Variants in CLTRN observed in about 807,000 individuals in gnomAD.
CLTRN encodes collectrin, amino acid transport regulator.
In CLTRN, 12 loss-of-function variants were observed where a neutral mutation model predicts 14.5. The ratio of observed to expected loss-of-function variants is 0.83; its 90% CI spans 0.53 to 1.34. CLTRN has a LOEUF of 1.34. Ranked by LOEUF, CLTRN falls within the 40% of genes most tolerant of loss-of-function variation. CLTRN has a pLI of 0.00. For missense variants in CLTRN, 154 were observed against 165.1 expected (o/e 0.93, Z 0.37); for synonymous variants, 58 against 56.5 (o/e 1.03, Z -0.12).
chrX:15,643,756 T>C (rs1338659239), intron 4 of CLTRN, among the ~76,000 whole-genome samples: 3 of 112,467 alleles, frequency 2.7e-5, no homozygotes, highest in African/African-American at 9.7e-5. Flanking sequence ...GCAAAAGAAA[T>C]AGATGATGTT....
At chrX:15,638,017 C>G (rs1197081913) in intron 5 of CLTRN, among the ~76,000 whole-genome samples, 1 of 111,866 alleles carries the variant, frequency 8.9e-6, no homozygotes, top group Non-Finnish European at 1.9e-5. Flanking sequence ...TCTCCAGAGT[C>G]CATTCTTCTA....
chrX:15,674,368 G>A (rs1929778290), intron 1 of CLTRN, among the ~76,000 whole-genome samples: 1 of 111,939 alleles, frequency 8.9e-6, no homozygotes, highest in Non-Finnish European at 1.9e-5. Flanking sequence ...AAGTCATCAG[G>A]AGGACACATC....
chrX:15,641,657 T>C (rs1021283645), intron 4 of CLTRN, among the ~76,000 whole-genome samples: 1 of 108,873 alleles, frequency 9.2e-6, no homozygotes, highest in Non-Finnish European at 1.9e-5. Flanking sequence ...TGTGTGTGTG[T>C]GTGTGTGTGT....
At chrX:15,659,551 G>A (rs997613703) in intron 2 of CLTRN, among the ~76,000 whole-genome samples, 1 of 111,385 alleles carries the variant, frequency 9.0e-6, no homozygotes, top group African/African-American at 3.3e-5. Flanking sequence ...CTGAATTTTT[G>A]TCCTCACCAG....
intron 1 of CLTRN, among the ~76,000 whole-genome samples, chrX:15,673,819 T>C (rs766326346): frequency 1.8e-5 from 2 of 112,207 alleles, no homozygotes; most frequent in Non-Finnish European, 3.8e-5. Context: ...AAAATTGTAA[T>C]CCTCTATACA....
intron 4 of CLTRN, among the ~76,000 whole-genome samples, chrX:15,644,476 C>T (rs1348727234): frequency 9.0e-6 from 1 of 111,605 alleles, no homozygotes; most frequent in Admixed American, 9.5e-5. Context: ...CCCTCATTAA[C>T]TAATGAGATA....
chrX:15,644,237 C>T (rs1019768238), intron 4 of CLTRN, among the ~76,000 whole-genome samples: 8 of 111,821 alleles, frequency 7.2e-5, no homozygotes, highest in Non-Finnish European at 5.6e-5. Context: ...CCATCTCTTA[C>T]GGTCTTTGAG....
Position 15,672,635 on chromosome X carries a change from C to A in CLTRN, c.-506+2354G>T, listed in dbSNP as rs150555572. On this transcript the variant is annotated intron_variant, in intron 1 of 6. Transcript: ENST00000650271. ...ATCCTACGTTTCGGCCAGTGATGAC[C>A]CTGAACCCTCTACTGTCTGAAATTC... Among the ~76,000 whole-genome samples the A allele has an allele frequency of 9.1e-3, 1,008 of 111,051 alleles. 5 individuals carry two copies. Among genetic ancestry groups the A allele is most frequent in the Non-Finnish European group, 0.013 (666 of 53,003 alleles).
At chrX:15,666,514 G>A (rs773968843), upstream of CLTRN, among the ~76,000 whole-genome samples, 1 of 112,244 alleles carries the variant, frequency 8.9e-6, no homozygotes, top group East Asian at 2.8e-4. Context: ...GCAACAACGA[G>A]GAAAATATCA....
chrX:15,665,107 G>A (rs1929594303), upstream of CLTRN: 1 of 207,203 alleles, frequency 4.8e-6, no homozygotes, highest in Admixed American at 6.9e-5. Context: ...TGTATGATGG[G>A]AAGAATTGAG....
At chrX:15,655,660 A>G (rs1319318128) in intron 3 of CLTRN, among the ~76,000 whole-genome samples, 1 of 111,847 alleles carries the variant, frequency 8.9e-6, no homozygotes, top group Non-Finnish European at 1.9e-5. Context: ...GCCTTCCACC[A>G]TGAGACTTCT....
intron 3 of CLTRN, chrX:15,646,462 A>AAAACCCCGGG: frequency 5.9e-6 from 1 of 170,840 alleles, no homozygotes; most frequent in Non-Finnish European, 1.2e-5. Context: ...CCGCGCACCC[A>AAAACCCCGGG]CCCCCCCGCC....
chrX:15,648,505 A>G (rs1238363092), intron 3 of CLTRN, among the ~76,000 whole-genome samples: 2 of 111,155 alleles, frequency 1.8e-5, no homozygotes, highest in Admixed American at 9.6e-5. Context: ...GAGCTATATA[A>G]TTTTTTAAAT....
upstream of CLTRN, among the ~76,000 whole-genome samples, chrX:15,668,498 T>G (rs746788736): frequency 7.9e-4 from 89 of 112,765 alleles, no homozygotes; most frequent in African/African-American, 2.7e-3. Flanking sequence ...TCACATTGAT[T>G]CAATTCTTAG....
At chrX:15,655,626 C>T (rs1929338349) in intron 3 of CLTRN, among the ~76,000 whole-genome samples, 1 of 111,920 alleles carries the variant, frequency 8.9e-6, no homozygotes, top group South Asian at 3.8e-4. Flanking sequence ...CTCTCTCTCT[C>T]CCCAGTCACA....
rs144981867 is a variant in CLTRN at position 15,653,036 on chromosome X, G to A, written c.203+5980C>T. On this transcript the variant is annotated intron_variant, in intron 3 of 5. Transcript: ENST00000380342. ...ATGGAAGTTGCAGTGAGCCAAGATG[G>A]CGCCACTGCACTCCACCCTGGGTGA... 5.1e-3 allele frequency among the ~76,000 whole-genome samples: 573 copies of A among 111,304 alleles called. 7 individuals carry two copies. The highest frequency in any genetic ancestry group is 0.051 in the East Asian group (179 of 3,531).
intron 4 of CLTRN, among the ~76,000 whole-genome samples, chrX:15,643,923 C>A (rs776235744): frequency 4.0e-4 from 45 of 111,928 alleles, no homozygotes; most frequent in Non-Finnish European, 7.5e-4. Flanking sequence ...AGCTACTTTG[C>A]TTTGTTCTAG....
intron 3 of CLTRN, chrX:15,646,533 C>G (rs1234504089): frequency 3.0e-6 from 1 of 332,087 alleles, no homozygotes; most frequent in East Asian, 1.0e-4. Context: ...CTCCCAGGTC[C>G]AGGAGAACTG....
chrX:15,659,141 G>A, intron 2 of CLTRN, 40 bp from the exon 3 acceptor site: 2 of 795,199 alleles, frequency 2.5e-6, no homozygotes, highest in Non-Finnish European at 3.7e-6. Context: ...GGGAAAATAT[G>A]GTCCATTGGT....
Sources: allele counts gnomAD v4.1 joint callset (sites outside exome capture counted in the v4.1 genomes callset), GRCh38; gene constraint gnomAD v4.1.1; transcripts MANE v1.5; gene names NCBI Gene and HGNC (gene_info 2026-07-23, HGNC 2026-07-21).